Variants in XDH observed in about 807,000 individuals in gnomAD.
XDH encodes the protein xanthine dehydrogenase.
In XDH, 138 loss-of-function variants were observed where a neutral mutation model predicts 156.1. The observed-to-expected ratio is 0.88, with a 90% CI of 0.77 to 1.02. The LOEUF (loss-of-function observed/expected upper bound fraction) is 1.02. Among genes scored for constraint, XDH ranks in the 50% least tolerant of loss-of-function variants. XDH has a pLI of 0.00. For missense variants in XDH, 1,849 were observed against 1,684.9 expected, an observed-to-expected ratio of 1.10 and a Z score of -1.71; for synonymous variants, 669 against 625.7, an observed-to-expected ratio of 1.07 and a Z score of -1.03.
At chr2:31,348,057 T>C (rs888879226) in intron 28 of XDH, among the ~76,000 whole-genome samples, 5 of 152,188 alleles carry the variant, frequency 3.3e-5, no homozygotes, top group African/African-American at 4.8e-5. Context: ...GTAATAGCAA[T>C]GTCCTCAGAG....
intron 24 of XDH, among the ~76,000 whole-genome samples, chr2:31,351,140 T>C (rs1685469656): frequency 6.6e-6 from 1 of 152,172 alleles, no homozygotes; most frequent in Non-Finnish European, 1.5e-5. Flanking sequence ...AGCTTCCTAT[T>C]TCCCAGTATA....
Position 31,345,096 on chromosome 2 carries a change from C to T in XDH, c.3352-360G>A, listed in dbSNP as rs114178711. 2.9e-3 allele frequency among the ~76,000 whole-genome samples: 447 copies of T among 152,330 alleles called. 4 individuals are homozygous for T. The highest frequency in any genetic ancestry group is 0.01 in the African/African-American group (435 of 41,576). ...AATGCCTGATGTTAAGGACCACAGT[C>T]TCTCTGGCATTTTGCAGCACACGAG... On this transcript the variant is annotated intron_variant, in intron 30 of 35. Transcript: ENST00000379416.
intron 11 of XDH, among the ~76,000 whole-genome samples, chr2:31,382,215 C>T (rs1049915828): frequency 5.3e-5 from 8 of 152,044 alleles, no homozygotes; most frequent in African/African-American, 1.7e-4. Flanking sequence ...ATCAGTTGCA[C>T]GATGAAAATA....
intron 22 of XDH, 46 bp downstream of exon 22, chr2:31,365,930 T>G: frequency 1.2e-6 from 2 of 1,613,824 alleles, no homozygotes; most frequent in South Asian, 2.2e-5. Flanking sequence ...GACAGCCTTA[T>G]TCTTCTTCCC....
intron 6 of XDH, among the ~76,000 whole-genome samples, chr2:31,389,040 C>G (rs1350179467): frequency 6.6e-6 from 1 of 152,172 alleles, no homozygotes; most frequent in Admixed American, 6.5e-5. Context: ...GCTGACTGAT[C>G]TGCAGCTCAG....
Position 31,367,009 on chromosome 2 carries a change from A to G in XDH, c.2198-15T>C. The G allele has an allele frequency of 1.2e-6, 2 of 1,614,128 alleles. No individual in the cohort carries two copies. The highest frequency in any genetic ancestry group is 1.7e-6 in the Non-Finnish European group (2 of 1,179,956). On this transcript the variant is annotated splice_polypyrimidine_tract_variant and intron_variant, in intron 20 of 35. Transcript: ENST00000379416. Reference sequence around the variant, plus strand: ...GTATATCTCCCCTGGGGAAGCAGTGAGATCCCTCACAGTGAGCCCAATGCT... The same window carrying G: ...GTATATCTCCCCTGGGGAAGCAGTGGGATCCCTCACAGTGAGCCCAATGCT...
At position 31,414,613 on chromosome 2, in the gene XDH, G is replaced by T. The variant is rs745842727; in HGVS notation, c.42+12C>A. The T allele has an allele frequency of 3.1e-6, 5 of 1,614,036 alleles. No individual in the cohort carries two copies. In the South Asian group the frequency reaches 5.5e-5, roughly 18 times the overall value. The stretch of plus-strand genomic sequence containing the variant: ...AGAAGGGACACAAAACCAAAGGTCA[G>T]CTCCTACTTACCTTTCTGCCATTCA... On this transcript the variant is annotated intron_variant, in intron 1 of 35. Transcript: ENST00000379416.
chr2:31,346,709 A>C, intron 30 of XDH, 60 bp downstream of exon 30: 1 of 1,592,552 alleles, frequency 6.3e-7, no homozygotes, highest in Non-Finnish European at 8.6e-7. Context: ...TTCGGAACGG[A>C]GGCCCTGCTG....
intron 20 of XDH, among the ~76,000 whole-genome samples, chr2:31,367,653 G>A (rs749978439): frequency 2.0e-5 from 3 of 152,030 alleles, no homozygotes; most frequent in Non-Finnish European, 4.4e-5. Context: ...GCGGTTAGAG[G>A]CCTGGCAGAC....
intron 4 of XDH, among the ~76,000 whole-genome samples, chr2:31,399,569 A>G (rs993140700): frequency 6.6e-6 from 1 of 152,162 alleles, no homozygotes; most frequent in Non-Finnish European, 1.5e-5. Context: ...TACAGATACA[A>G]CCTAATTTGG....
intron 4 of XDH, 82 bp from the exon 5 acceptor site, chr2:31,398,781 T>C: frequency 1.3e-6 from 2 of 1,596,874 alleles, no homozygotes; most frequent in Admixed American, 1.7e-5. Flanking sequence ...AGCCAGCACA[T>C]GTTGAGAGAT....
In XDH at chr2:31,373,927, G is replaced by A; in HGVS notation, c.1632C>T (p.Ala544=). ...CTTTCTGAAACAGTAAAGTTGCACT[G>A]GCGAAAGTGGGGTCCAGTTTACCAC... ...DKCGKLDPTF[A]SATLLFQKDP... Residue 544 remains alanine, a synonymous_variant, in exon 16 of 36, where the codon GCC becomes GCT. Transcript: ENST00000379416. 6.2e-7 allele frequency: 1 copy of A among 1,613,926 alleles called. No individual in the cohort carries two copies. The highest frequency in any genetic ancestry group is 8.5e-7 in the Non-Finnish European group (1 of 1,179,908).
At position 31,372,089 on chromosome 2, in the gene XDH, T is replaced by C. The variant is rs903602417; in HGVS notation, c.1856+139A>G. 23 of 1,300,220 alleles carry C rather than the reference T, an allele frequency of 1.8e-5. 1 individual carries two copies. In the Admixed American group the frequency reaches 3.9e-4, roughly 22 times the overall value. 80.5% of individuals were successfully genotyped at this position (1,300,220 alleles called of 1,614,324 possible). ...AGGACCTGCCTATAAGGTCTTCCCC[T>C]CTCTCTAGCCTGGGAGGTCCTGGAG... On this transcript the variant is annotated intron_variant, in intron 17 of 35. Coordinates refer to ENST00000379416, the MANE Select transcript of XDH (RefSeq NM_000379.4).
chr2:31,377,674 G>A (rs186456590), intron 13 of XDH, among the ~76,000 whole-genome samples: 1 of 152,138 alleles, frequency 6.6e-6, no homozygotes, highest in Admixed American at 6.5e-5. Context: ...TCTGTTTGTG[G>A]CCTCCACAGT....
At chr2:31,403,755 A>G (rs935464239) in intron 2 of XDH, among the ~76,000 whole-genome samples, 3 of 152,134 alleles carry the variant, frequency 2.0e-5, no homozygotes, top group African/African-American at 7.2e-5. Flanking sequence ...ACTCTTACAT[A>G]TACTTGCAGA....
chr2:31,350,368 CTTTTTTTTTTT>C (rs35646405), intron 24 of XDH, 145 bp from the exon 25 acceptor site: 2 of 258,496 alleles, frequency 7.7e-6, no homozygotes, highest in South Asian at 2.5e-5. Context: ...GCAGCAGCAT[CTTTTTTTTTTT>C]TTTTTTTTTT....
chr2:31,338,208 C>A (rs1340987123), intron 34 of XDH, among the ~76,000 whole-genome samples: 1 of 152,190 alleles, frequency 6.6e-6, no homozygotes, highest in African/African-American at 2.4e-5. Context: ...AACTCTGACA[C>A]CAACATTTAC....
chr2:31,402,071 G>A (rs1687073676), intron 3 of XDH, among the ~76,000 whole-genome samples: 1 of 152,180 alleles, frequency 6.6e-6, no homozygotes, highest in Admixed American at 6.5e-5. Context: ...ACTCAGCAGA[G>A]GAAACCAGTT....
intron 33 of XDH, among the ~76,000 whole-genome samples, 157 bp from the exon 34 acceptor site, chr2:31,339,834 G>A (rs925094056): frequency 6.6e-6 from 1 of 152,188 alleles, no homozygotes; most frequent in Non-Finnish European, 1.5e-5. Context: ...TCAGCCCTGG[G>A]ATAACCCATC....
Sources: gnomAD v4.1 joint callset for allele counts (sites outside exome capture counted in the v4.1 genomes callset) on GRCh38, gnomAD v4.1.1 for gene constraint, MANE v1.5 for transcripts, NCBI Gene and HGNC (gene_info 2026-07-23, HGNC 2026-07-21) for gene names.